ABCA3: variants seen among roughly 807,000 people sequenced by gnomAD.
ABCA3 encodes ATP binding cassette subfamily A member 3.
In ABCA3, 88 loss-of-function variants were observed where a neutral mutation model predicts 172.8. The observed-to-expected ratio is 0.51, with a 90% CI of 0.43 to 0.61. The LOEUF is 0.61. Among genes scored for constraint, ABCA3 ranks in the 20% least tolerant of loss-of-function variants. ABCA3 has a pLI of 0.00. For missense variants in ABCA3, 2,164 were observed against 2,301.0 expected, an observed-to-expected ratio of 0.94 and a Z score of 1.22; for synonymous variants, 1,066 against 983.8, an observed-to-expected ratio of 1.08 and a Z score of -1.56.
chr16:2,326,149 C>T lies in ABCA3; in HGVS notation c.180G>A (p.Gln60=). 4 of 1,614,164 alleles carry T rather than the reference C, an allele frequency of 2.5e-6. No homozygotes were observed. Among genetic ancestry groups the T allele is most frequent in the Non-Finnish European group, 3.4e-6 (4 of 1,180,046 alleles). ...AGAACAGAGGCAGCTCCTGGATGGACTGGCCCGGGTAGATGGTGGCGTTGG... is the reference window on the plus strand; with the variant it reads ...AGAACAGAGGCAGCTCCTGGATGGATTGGCCCGGGTAGATGGTGGCGTTGG... ...NVPNATIYPG[Q]SIQELPLFFT... is the part of the protein sequence containing the mutation. Residue 60 remains glutamine, a synonymous_variant, in exon 5 of 33, where the codon CAG becomes CAA. Coordinates refer to ENST00000301732, the MANE Select transcript of ABCA3 (RefSeq NM_001089.3).
At chr16:2,290,022 C>T (rs2141700038) in intron 19 of ABCA3, among the ~76,000 whole-genome samples, 1 of 151,284 alleles carries the variant, frequency 6.6e-6, no homozygotes, top group South Asian at 2.1e-4. Flanking sequence ...GAGCTCCCCG[C>T]CGATTAGGAA....
At chr16:2,336,350 G>A (rs914275291) in intron 1 of ABCA3, among the ~76,000 whole-genome samples, 1 of 152,004 alleles carries the variant, frequency 6.6e-6, no homozygotes, top group East Asian at 1.9e-4. Flanking sequence ...ACCCTGCCTC[G>A]TAAGCACAGG....
rs372057897 is a variant in ABCA3, at chr16:2,292,098, C to A, written c.2513+42G>T. ...CAAAAAAAAAAAGTCCTCTGCAGCA[C>A]GGAGCCCAGTCCTAGGTGGACGGAA... On this transcript the variant is annotated intron_variant, in intron 19 of 32. Coordinates refer to ENST00000301732, the MANE Select transcript of ABCA3 (RefSeq NM_001089.3). The A allele has an allele frequency of 5.3e-6, 8 of 1,512,014 alleles. No individual in the cohort carries two copies. The South Asian group carries it at 9.0e-5, about 17-fold the overall frequency. The allele number at this position is 1,512,014 out of a possible 1,614,324, so 93.7% of individuals were successfully genotyped here.
intron 8 of ABCA3, 89 bp from the exon 9 acceptor site, chr16:2,317,853 C>A (rs575966247): frequency 5.8e-6 from 7 of 1,203,356 alleles, no homozygotes; most frequent in Non-Finnish European, 8.6e-6. Context: ...GGCCTGAGTC[C>A]GACTGTCCCA....
chr16:2,314,532 G>A (rs1365493684), intron 10 of ABCA3, among the ~76,000 whole-genome samples: 1 of 152,076 alleles, frequency 6.6e-6, no homozygotes, highest in African/African-American at 2.4e-5. Context: ...AGGTGGACAT[G>A]GGGGTGGGTG....
rs760957492 is a variant in ABCA3, at chr16:2,276,428, C to T, written c.*246G>A. On this transcript the variant is annotated 3_prime_UTR_variant, in exon 33 of 33. Coordinates refer to ENST00000301732, the MANE Select transcript of ABCA3 (RefSeq NM_001089.3). ...CCCCGGAGCTTGCCCGCAGACTGCC[C>T]GGCCTGCCCCAGCTCTGGGAAAGTG... The T allele has an allele frequency of 3.0e-5, 21 of 706,246 alleles. No homozygotes were observed. The highest frequency in any genetic ancestry group is 3.8e-5 in the Non-Finnish European group (16 of 415,754). The allele number at this position is 706,246 out of a possible 1,614,324, so 43.7% of individuals were successfully genotyped here.
In ABCA3 at chr16:2,287,979, A is replaced by G. The variant is rs1372890115; in HGVS notation, c.3004+47T>C. The G allele has an allele frequency of 6.3e-7, 1 of 1,592,288 alleles. No individual in the cohort carries two copies. The highest frequency in any genetic ancestry group is 1.1e-5 in the South Asian group (1 of 90,750). ...AGTCAGGAAGGCGAACTCTGGCTGC[A>G]GGACTGGCCCCCGATGCCCCCGTCC... On this transcript the variant is annotated intron_variant, in intron 21 of 32. Coordinates refer to ENST00000301732, the MANE Select transcript of ABCA3 (RefSeq NM_001089.3). The surrounding 1 kb of genome is among the most constrained non-coding windows in gnomAD (Gnocchi z 4.1).
chr16:2,306,612 G>A (rs1185494544), intron 11 of ABCA3, among the ~76,000 whole-genome samples: 1 of 152,184 alleles, frequency 6.6e-6, no homozygotes, highest in Admixed American at 6.5e-5. Flanking sequence ...GTTGGGAGGA[G>A]GCCTAACTGG....
At chr16:2,300,721 A>G (rs2093687520) in intron 12 of ABCA3, among the ~76,000 whole-genome samples, 1 of 152,222 alleles carries the variant, frequency 6.6e-6, no homozygotes, top group Non-Finnish European at 1.5e-5. Context: ...TGGTGCCTAC[A>G]TGGAGGCAGT....
rs1399531965 is a variant in ABCA3 at position 2,284,995 on chromosome 16, C to G, written c.3487G>C (p.Val1163Leu). The stretch of plus-strand genomic sequence containing the variant: ...GCACGCACGTCGAAGGCCTTAAACA[C>G]CACCTGCGGCGGCACAGGGAGGCGC... ...FLIPSLLLLV[V>L]FKAFDVRAFT... Residue 1163 changes from valine to leucine, a missense_variant, in exon 24 of 33, where the codon GTG becomes CTG. Val to Leu is a conservative substitution (Grantham distance 32, BLOSUM62 1). Coordinates refer to ENST00000301732, the MANE Select transcript of ABCA3 (RefSeq NM_001089.3). This position sits in a 1 kb window ranked among gnomAD's most constrained non-coding sequence, Gnocchi z 5.9. 10 of 1,612,552 alleles carry G rather than the reference C, an allele frequency of 6.2e-6. No homozygotes were observed. The highest frequency in any genetic ancestry group is 1.7e-6 in the Non-Finnish European group (2 of 1,179,768).
At chr16:2,305,674 C>G (rs1304960450) in intron 11 of ABCA3, among the ~76,000 whole-genome samples, 2 of 152,194 alleles carry the variant, frequency 1.3e-5, no homozygotes, top group African/African-American at 4.8e-5. Context: ...GAGTAATCCA[C>G]CCGTCCTCCC....
intron 3 of ABCA3, 36 bp from the exon 4 acceptor site, chr16:2,326,528 C>T (rs370036779): frequency 1.1e-5 from 18 of 1,566,008 alleles, no homozygotes; most frequent in Non-Finnish European, 1.6e-5. Flanking sequence ...TGTGGGTGCG[C>T]AATAGAAACA....
chr16:2,328,549 C>T lies in ABCA3; in HGVS notation c.-123G>A, dbSNP rs773586644. 9 of 515,498 alleles carry T rather than the reference C, an allele frequency of 1.7e-5. No individual in the cohort carries two copies. The highest frequency in any genetic ancestry group is 3.9e-5 in the Admixed American group (2 of 51,050). The allele number at this position is 515,498 out of a possible 1,614,324, so 31.9% of individuals were successfully genotyped here. On this transcript the variant is annotated 5_prime_UTR_variant, in exon 3 of 33. Transcript: ENST00000301732. ...CTCTGAAAACTGAGTGTAAAGAGGGCGAGGTGTGCAGACGTGGCTGCTCTG... is the reference window on the plus strand; with the variant it reads ...CTCTGAAAACTGAGTGTAAAGAGGGTGAGGTGTGCAGACGTGGCTGCTCTG...
chr16:2,330,376 G>A (rs540425083), intron 1 of ABCA3, among the ~76,000 whole-genome samples: 1 of 143,698 alleles, frequency 7.0e-6, no homozygotes, highest in Non-Finnish European at 1.5e-5. Context: ...CTGGAGTGCC[G>A]TGGTGCCATC....
At chr16:2,340,155 C>A (rs1184979558) in intron 1 of ABCA3, among the ~76,000 whole-genome samples, 1 of 152,236 alleles carries the variant, frequency 6.6e-6, no homozygotes, top group Admixed American at 6.5e-5. Context: ...GCCATCTCCG[C>A]AAGTGCGCGG....
At chr16:2,338,857 C>A (rs1291143208) in intron 1 of ABCA3, among the ~76,000 whole-genome samples, 1 of 149,668 alleles carries the variant, frequency 6.7e-6, no homozygotes, top group African/African-American at 2.5e-5. Flanking sequence ...TATGTTCAAG[C>A]GATTCTTCTG....
chr16:2,326,329 T>C, intron 4 of ABCA3, 55 bp from the exon 5 acceptor site: 1 of 1,611,406 alleles, frequency 6.2e-7, no homozygotes, highest in South Asian at 1.1e-5. Flanking sequence ...AGCAGGGGCA[T>C]GCAGACAGCC....
rs555535879 is a variant in ABCA3, at chr16:2,294,309, C to T, written c.2414+1281G>A. ...CCAAAGTGCTGGGATTACAGGCGTG[C>T]GCCACTATGCACAGCTGCGAAACAC... On this transcript the variant is annotated intron_variant, in intron 18 of 32. Coordinates refer to ENST00000301732, the MANE Select transcript of ABCA3 (RefSeq NM_001089.3). Among the ~76,000 whole-genome samples the T allele has an allele frequency of 1.4e-4, 22 of 151,878 alleles. No homozygotes were observed. In the South Asian group the frequency reaches 3.7e-3, roughly 26 times the overall value.
At chr16:2,312,531 CTT>C (rs201356602) in intron 10 of ABCA3, among the ~76,000 whole-genome samples, 51 of 139,668 alleles carry the variant, frequency 3.7e-4, no homozygotes, top group Middle Eastern at 3.7e-3. Flanking sequence ...TGGCATTTTT[CTT>C]TTTTTTTTTT....
Sources: gnomAD v4.1 joint callset for allele counts (sites outside exome capture counted in the v4.1 genomes callset) on GRCh38, gnomAD v4.1.1 for gene constraint, Gnocchi (gnomAD v3.1) non-coding constraint, MANE v1.5 for transcripts, NCBI Gene and HGNC (gene_info 2026-07-23, HGNC 2026-07-21) for gene names.